The following IPO7 variants were observed in gnomAD, a reference collection of about 807,000 sequenced individuals.
IPO7 encodes importin 7, also known as importin-7.
IPO7 carries 13 observed loss-of-function variants against 136.4 expected under a neutral mutation model. The observed-to-expected ratio is 0.10, with a 90% CI of 0.06 to 0.15. The LOEUF (loss-of-function observed/expected upper bound fraction) is 0.15, where lower values mean the gene tolerates loss of function less well. IPO7 is among the 10% of genes least tolerant of loss of function. The pLI is 1.00. For missense variants in IPO7, 857 were observed against 1,240.6 expected (o/e 0.69, Z 4.65); for synonymous variants, 403 against 404.4 (o/e 1.00, Z 0.04).
intron 19 of IPO7, among the ~76,000 whole-genome samples, chr11:9,435,975 G>T (rs1381061854): frequency 6.6e-6 from 1 of 152,150 alleles, no homozygotes; most frequent in Non-Finnish European, 1.5e-5. Flanking sequence ...GAAGTTAGTG[G>T]TTGTCAACTT....
chr11:9,385,871 C>T (rs1211537439), intron 1 of IPO7, among the ~76,000 whole-genome samples: 1 of 152,188 alleles, frequency 6.6e-6, no homozygotes, highest in Non-Finnish European at 1.5e-5. Context: ...TTAAATCCTT[C>T]TTAAAAGGGC....
At chr11:9,392,145 G>GA in intron 1 of IPO7, 1 of 370,940 alleles carries the variant, frequency 2.7e-6, no homozygotes, top group Admixed American at 3.3e-5. Flanking sequence ...AGCCAAGGTA[G>GA]ATGTCATATT....
rs150899041 is a variant in IPO7, at chr11:9,430,450, A to G, written c.1753-425A>G. 4.2e-3 allele frequency: 672 copies of G among 160,358 alleles called. 1 individual carries two copies. Among genetic ancestry groups the G allele is most frequent in the African/African-American group, 0.016 (648 of 41,692 alleles). The allele number at this position is 160,358 out of a possible 1,614,324, so 9.9% of individuals were successfully genotyped here. A position where few individuals can be genotyped will look rare whatever the true frequency, so the allele number is the denominator to read the frequency against. On this transcript the variant is annotated intron_variant, in intron 15 of 24. Transcript: ENST00000379719. Reference sequence around the variant, plus strand: ...CTCGGGCTGCAGCATGACTATCTGCATAGTGCCCTGGAATGCTCAAAATAA... The same window carrying G: ...CTCGGGCTGCAGCATGACTATCTGCGTAGTGCCCTGGAATGCTCAAAATAA...
At position 9,422,988 on chromosome 11, in the gene IPO7, C is replaced by A. The variant is rs745559785; in HGVS notation, c.907-18C>A. 3.4e-6 allele frequency: 5 copies of A among 1,487,736 alleles called. No individual in the cohort carries two copies. The African/African-American group carries it at 5.6e-5, about 17-fold the overall frequency. 92.2% of individuals were successfully genotyped at this position (1,487,736 alleles called of 1,614,324 possible). A position where few individuals can be genotyped will look rare whatever the true frequency, so the allele number is the denominator to read the frequency against. On this transcript the variant is annotated intron_variant, in intron 8 of 24. Transcript: ENST00000379719. ...TTCTATTTGAACATTGATTTGTGATCGAAAATTTTTTTCCAAGGTTTTATT... is the reference window on the plus strand; with the variant it reads ...TTCTATTTGAACATTGATTTGTGATAGAAAATTTTTTTCCAAGGTTTTATT...
At chr11:9,419,558 AAATATATAT>A (rs1404713309) in intron 6 of IPO7, among the ~76,000 whole-genome samples, 3 of 133,724 alleles carry the variant, frequency 2.2e-5, no homozygotes, top group East Asian at 2.1e-4. Flanking sequence ...AAAAAAAAAA[AAATATATAT>A]ATATATATAT....
chr11:9,408,729 T>C (rs1854925288), intron 3 of IPO7, 90 bp downstream of exon 3: 4 of 816,956 alleles, frequency 4.9e-6, no homozygotes, highest in Non-Finnish European at 7.0e-6. Context: ...TTTTTTTTTT[T>C]TGAGATGGAC....
intron 19 of IPO7, 22 bp from the exon 20 acceptor site, chr11:9,436,249 A>G (rs1171305443): frequency 6.4e-7 from 1 of 1,556,006 alleles, no homozygotes; most frequent in African/African-American, 1.4e-5. Context: ...CCTTACTGCA[A>G]TTTATATTCT....
At chr11:9,387,624 G>C (rs1469350354) in intron 1 of IPO7, among the ~76,000 whole-genome samples, 3 of 152,232 alleles carry the variant, frequency 2.0e-5, no homozygotes, top group Non-Finnish European at 4.4e-5. Flanking sequence ...TTGAGGTTGG[G>C]AGTTTGAGAC....
At chr11:9,436,868 ATTTTTTTTTTTTTTTTTT>A (rs869227367) in intron 20 of IPO7, among the ~76,000 whole-genome samples, 1 of 18,228 alleles carries the variant, frequency 5.5e-5, no homozygotes, top group African/African-American at 2.2e-4. Context: ...ATATATATAT[ATTTTTTTTTTTTTTTTTT>A]TTTTTTTTTT....
intron 6 of IPO7, chr11:9,420,206 A>G (rs1855106987): frequency 4.1e-6 from 2 of 490,366 alleles, no homozygotes; most frequent in African/African-American, 2.0e-5. Flanking sequence ...AGTCCCAGCT[A>G]CTTGGGAGGC....
At chr11:9,439,789 G>T (rs939230765) in intron 22 of IPO7, among the ~76,000 whole-genome samples, 1 of 151,942 alleles carries the variant, frequency 6.6e-6, no homozygotes. Flanking sequence ...TGGCCAGGGT[G>T]GTCTCAATCT....
At position 9,442,260 on chromosome 11, in the gene IPO7, C is replaced by T. The variant is rs181460079; in HGVS notation, c.3019+63C>T. 1.3e-3 allele frequency: 910 copies of T among 680,226 alleles called. 7 individuals are homozygous for T. Among genetic ancestry groups the T allele is most frequent in the African/African-American group, 0.013 (692 of 53,958 alleles). 42.1% of individuals were successfully genotyped at this position (680,226 alleles called of 1,614,324 possible). A position where few individuals can be genotyped will look rare whatever the true frequency, so the allele number is the denominator to read the frequency against. ...CTTTTATAGGTTTAAAATTTTATAT[C>T]GTTTAATTTTATATCATTAAATTTT... On this transcript the variant is annotated intron_variant, in intron 24 of 24. Transcript: ENST00000379719.
chr11:9,418,285 G>A (rs1043204014), intron 6 of IPO7, among the ~76,000 whole-genome samples: 1 of 149,804 alleles, frequency 6.7e-6, no homozygotes, highest in Admixed American at 6.7e-5. Flanking sequence ...TGGCCAGGGT[G>A]GTCTTAAACT....
Position 9,414,308 on chromosome 11 carries a change from T to C in IPO7, c.533T>C (p.Leu178Pro). 1 of 1,613,712 alleles carries C rather than the reference T, an allele frequency of 6.2e-7. No individual in the cohort carries two copies. The highest frequency in any genetic ancestry group is 8.5e-7 in the Non-Finnish European group (1 of 1,179,768). Residue 178 changes from leucine (L) to proline (P), a missense_variant, in exon 5 of 25, where the codon CTG becomes CCG. Leu to Pro is a moderately conservative substitution (Grantham distance 98). Transcript: ENST00000379719. The part of the protein sequence containing the change: ...SPLVAAMQHF[L>P]PVLKDRFIQL... ...TTGGTAGCAGCAATGCAGCATTTTCTGCCAGTTCTAAAGGATCGTTTTATC... is the reference window on the plus strand; with the variant it reads ...TTGGTAGCAGCAATGCAGCATTTTCCGCCAGTTCTAAAGGATCGTTTTATC...
intron 5 of IPO7, chr11:9,414,616 AAT>A: frequency 5.8e-6 from 1 of 171,962 alleles, no homozygotes; most frequent in Non-Finnish European, 1.2e-5. Context: ...AACCCTAATG[AAT>A]CTTTTTTTTT....
chr11:9,424,888 GTCTTAATTTTA>G lies in IPO7; in HGVS notation c.1142-25_1142-15del. On this transcript the variant is annotated splice_polypyrimidine_tract_variant and intron_variant, in intron 10 of 24. Transcript: ENST00000379719. ...TTTGTTGAAGAAATTAATGTTTATT[GTCTTAATTTTA>G]AACTTGTTCTCTAGATGTGTTTGAA... 1 of 1,365,158 alleles carries G rather than the reference GTCTTAATTTTA, an allele frequency of 7.3e-7. No homozygotes were observed. Among genetic ancestry groups the G allele is most frequent in the Non-Finnish European group, 1.0e-6 (1 of 964,836 alleles). 84.6% of individuals were successfully genotyped at this position (1,365,158 alleles called of 1,614,324 possible). A position where few individuals can be genotyped will look rare whatever the true frequency, so the allele number is the denominator to read the frequency against.
At position 9,417,110 on chromosome 11, in the gene IPO7, GA is replaced by G; in HGVS notation, c.691del (p.Ile231PhefsTer2). Reference sequence around the variant, plus strand: ...CCAACAGAACCTGACAGAATGGATAGAAATTTTAAAGACTGTTGTGAACAGG... The same window carrying G: ...CCAACAGAACCTGACAGAATGGATAGAATTTTAAAGACTGTTGTGAACAGG... ...INQQNLTEWI[E>X]ILKTVVNRDV... On this transcript the variant is annotated frameshift_variant, in exon 6 of 25. Coordinates refer to ENST00000379719, the MANE Select transcript of IPO7 (RefSeq NM_006391.3). LOFTEE classifies it high-confidence loss of function. 6.4e-7 allele frequency: 1 copy of G among 1,566,722 alleles called. No individual in the cohort carries two copies. The highest frequency in any genetic ancestry group is 8.8e-7 in the Non-Finnish European group (1 of 1,138,292).
At chr11:9,434,111 C>T (rs770561647) in intron 18 of IPO7, among the ~76,000 whole-genome samples, 10 of 151,870 alleles carry the variant, frequency 6.6e-5, no homozygotes, top group Non-Finnish European at 1.0e-4. Context: ...TTAGTAGAGA[C>T]AGAGTTTCTC....
At chr11:9,414,475 T>A in intron 5 of IPO7, 64 bp downstream of exon 5, 1 of 1,037,936 alleles carries the variant, frequency 9.6e-7, no homozygotes, top group Non-Finnish European at 1.4e-6. Context: ...TGTTAAAAAT[T>A]AACAAAGAAT....
Sources: gnomAD v4.1 joint callset for allele counts (sites outside exome capture counted in the v4.1 genomes callset) on GRCh38, gnomAD v4.1.1 for gene constraint, MANE v1.5 for transcripts, NCBI Gene and HGNC (gene_info 2026-07-23, HGNC 2026-07-21) for gene names.